RPH3AL: variants seen among roughly 807,000 people sequenced by gnomAD.
RPH3AL encodes rabphilin 3A like (without C2 domains).
Under a neutral mutation model 43.1 loss-of-function variants are expected in RPH3AL, and 38 were observed. The ratio of observed to expected loss-of-function variants is 0.88; its 90% CI spans 0.68 to 1.15. The LOEUF (loss-of-function observed/expected upper bound fraction) is 1.15, where lower values mean the gene tolerates loss of function less well. Among genes scored for constraint, RPH3AL ranks in the 50% most tolerant of loss-of-function variants. RPH3AL has a pLI of 0.00. For synonymous variants in RPH3AL, 189 were observed against 176.3 expected (o/e 1.07, Z -0.57); for missense variants, 462 against 423.2 (o/e 1.09, Z -0.81).
chr17:302,151 G>A (rs998773089), intron 5 of RPH3AL, among the ~76,000 whole-genome samples: 4 of 152,264 alleles, frequency 2.6e-5, no homozygotes, highest in African/African-American at 4.8e-5. Context: ...CTGCCACTGC[G>A]GCATCTGCGG....
chr17:246,386 C>T lies in RPH3AL; in HGVS notation c.613+725G>A, dbSNP rs1254652253. 6.6e-6 allele frequency among the ~76,000 whole-genome samples: 1 copy of T among 152,112 alleles called. No homozygotes were observed. The highest frequency in any genetic ancestry group is 1.5e-5 in the Non-Finnish European group (1 of 68,020). On this transcript the variant is annotated intron_variant, in intron 7 of 9. Transcript: ENST00000331302. This position sits in a 1 kb window ranked among gnomAD's most constrained non-coding sequence, Gnocchi z 4.8. ...CCCAGATGCCAGAGAGGGTAAGAGC[C>T]TGCCCTTGGATCCCAGCTCGGCCAC... is the stretch of plus-strand genomic sequence containing the variant.
At chr17:351,558 C>T (rs1242946429) in intron 1 of RPH3AL, among the ~76,000 whole-genome samples, 1 of 152,152 alleles carries the variant, frequency 6.6e-6, no homozygotes, top group African/African-American at 2.4e-5. Context: ...CCTCCTGCAC[C>T]CCGCCTGTCT....
intron 6 of RPH3AL, among the ~76,000 whole-genome samples, chr17:267,790 C>A (rs961610837): frequency 6.6e-6 from 1 of 151,956 alleles, no homozygotes; most frequent in Non-Finnish European, 1.5e-5. Flanking sequence ...TCTGGGAGAT[C>A]CTACAGGTCT....
In RPH3AL at chr17:264,342, G is replaced by A. The variant is rs572736705; in HGVS notation, c.439-17057C>T. The stretch of plus-strand genomic sequence containing the variant: ...CAGCAGGATTACCCTTCGGAGCCGT[G>A]CGCGCTGGATGGGGACTCAGAATCC... On this transcript the variant is annotated intron_variant, in intron 6 of 9. Transcript: ENST00000331302. This position sits in a 1 kb window ranked among gnomAD's most constrained non-coding sequence, Gnocchi z 4.8. Among the ~76,000 whole-genome samples the A allele has an allele frequency of 9.4e-5, 8 of 84,720 alleles. 1 individual carries two copies. The highest frequency in any genetic ancestry group is 3.6e-4 in the African/African-American group (8 of 22,154). The allele number at this position is 84,720 out of a possible 152,430, so 55.6% of individuals were successfully genotyped here. A position where few individuals can be genotyped will look rare whatever the true frequency, so the allele number is the denominator to read the frequency against.
At chr17:295,275 G>A (rs2043147461) in intron 5 of RPH3AL, among the ~76,000 whole-genome samples, 1 of 139,208 alleles carries the variant, frequency 7.2e-6, no homozygotes, top group African/African-American at 2.7e-5. Context: ...CAGTGTGGGA[G>A]GGACAGAGAT....
At chr17:316,828 T>G (rs1485604979) in intron 5 of RPH3AL, among the ~76,000 whole-genome samples, 1 of 148,172 alleles carries the variant, frequency 6.7e-6, no homozygotes. Context: ...TCCATTGACC[T>G]GTAGTCCCTG....
At position 239,647 on chromosome 17, in the gene RPH3AL, A is replaced by G. The variant is rs141760058; in HGVS notation, c.613+7464T>C. Among the ~76,000 whole-genome samples the G allele has an allele frequency of 5.2e-3, 796 of 152,040 alleles. 2 individuals are homozygous for G. Among genetic ancestry groups the G allele is most frequent in the Non-Finnish European group, 8.6e-3 (587 of 67,974 alleles). The stretch of plus-strand genomic sequence containing the variant: ...TTGTTTTGTTTTGTTTTTTTGAGAG[A>G]TAGGGGTCTCACTCTTTCACCCAGG... On this transcript the variant is annotated intron_variant, in intron 7 of 9. Transcript: ENST00000331302.
chr17:298,437 C>T (rs2043234422), intron 5 of RPH3AL, among the ~76,000 whole-genome samples: 1 of 152,156 alleles, frequency 6.6e-6, no homozygotes, highest in African/African-American at 2.4e-5. Context: ...TGGCTCACCC[C>T]TGTAATCCTG....
chr17:318,084 T>A (rs1313978838), intron 5 of RPH3AL, among the ~76,000 whole-genome samples: 2 of 152,194 alleles, frequency 1.3e-5, no homozygotes, highest in African/African-American at 4.8e-5. Flanking sequence ...AACTCCAGTC[T>A]TAAAACCATG....
chr17:268,698 C>T (rs1025016989), intron 6 of RPH3AL, among the ~76,000 whole-genome samples: 1 of 150,548 alleles, frequency 6.6e-6, no homozygotes, highest in Non-Finnish European at 1.5e-5. Context: ...GTAGCTGGGG[C>T]CACTAGACAT....
At chr17:340,518 A>G (rs1459614033) in intron 1 of RPH3AL, among the ~76,000 whole-genome samples, 77 of 1,070 alleles carry the variant, frequency 0.072, 34 homozygotes, top group Non-Finnish European at 0.089. Flanking sequence ...ACTGCCCCCC[A>G]CCCAGGCCTC....
chr17:301,337 G>T (rs922022226), intron 5 of RPH3AL, among the ~76,000 whole-genome samples: 1 of 152,134 alleles, frequency 6.6e-6, no homozygotes, highest in Non-Finnish European at 1.5e-5. Flanking sequence ...AGGGTCTCAC[G>T]CTGTCACCTA....
chr17:241,094 T>TC (rs2041522707), intron 7 of RPH3AL, among the ~76,000 whole-genome samples: 1 of 73,864 alleles, frequency 1.4e-5, no homozygotes, highest in Non-Finnish European at 2.8e-5. Context: ...ATAATAATAA[T>TC]AATAATCTTG....
chr17:292,897 G>T (rs530239120), intron 5 of RPH3AL, among the ~76,000 whole-genome samples: 1 of 152,362 alleles, frequency 6.6e-6, no homozygotes, highest in Non-Finnish European at 1.5e-5. Context: ...CCCCAAGGAG[G>T]CACAGCCTTA....
At chr17:256,299 T>A (rs1232042644) in intron 6 of RPH3AL, among the ~76,000 whole-genome samples, 22 of 51,498 alleles carry the variant, frequency 4.3e-4, no homozygotes, top group Admixed American at 8.2e-4. Flanking sequence ...GTGACTACCC[T>A]ACGTACTTCC....
At chr17:272,632 C>T (rs1258020723) in intron 6 of RPH3AL, among the ~76,000 whole-genome samples, 1 of 147,554 alleles carries the variant, frequency 6.8e-6, no homozygotes, top group Non-Finnish European at 1.5e-5. Flanking sequence ...GGAGGGATAG[C>T]ATTAGGAGAT....
At chr17:315,559 C>T (rs2043991934) in intron 5 of RPH3AL, among the ~76,000 whole-genome samples, 1 of 152,162 alleles carries the variant, frequency 6.6e-6, no homozygotes. Flanking sequence ...CCTGTAGTCC[C>T]TGTGCCCCAC....
intron 7 of RPH3AL, among the ~76,000 whole-genome samples, chr17:223,765 T>A (rs565071691): frequency 2.0e-5 from 3 of 152,332 alleles, no homozygotes; most frequent in South Asian, 4.1e-4. Flanking sequence ...GGCTCCAGCC[T>A]CTGTCACCTT....
intron 7 of RPH3AL, among the ~76,000 whole-genome samples, chr17:240,542 A>G (rs2041504380): frequency 6.6e-6 from 1 of 152,144 alleles, no homozygotes; most frequent in African/African-American, 2.4e-5. Context: ...AGATGAGATC[A>G]CACAACACGC....
Sources: allele counts gnomAD v4.1 joint callset (sites outside exome capture counted in the v4.1 genomes callset), GRCh38; gene constraint gnomAD v4.1.1; non-coding constraint Gnocchi (gnomAD v3.1); transcripts MANE v1.5; gene names NCBI Gene and HGNC (gene_info 2026-07-23, HGNC 2026-07-21).